FMN2: variants seen among roughly 807,000 people sequenced by gnomAD.
FMN2 encodes the protein formin 2, also known as formin-2.
FMN2 carries 51 observed loss-of-function variants against 142.3 expected under a neutral mutation model. The ratio of observed to expected loss-of-function variants is 0.36; its 90% confidence interval spans 0.29 to 0.45. The LOEUF is 0.45. FMN2 is among the 20% of genes least tolerant of loss of function. The probability of loss-of-function intolerance (pLI) is 1.00; values close to 1 mark genes in which losing one functional copy is unlikely to be tolerated. For synonymous variants in FMN2, 882 were observed against 869.8 expected (o/e 1.01, Z -0.25); for missense variants, 1,936 against 2,122.8 (o/e 0.91, Z 1.73).
chr1:240,314,478 A>T (rs1346833333), intron 8 of FMN2, among the ~76,000 whole-genome samples: 1 of 152,210 alleles, frequency 6.6e-6, no homozygotes, highest in East Asian at 1.9e-4. Flanking sequence ...AAATAGTCCA[A>T]ATTTCTACTT....
intron 4 of FMN2, among the ~76,000 whole-genome samples, chr1:240,200,446 G>C (rs549708837): frequency 1.3e-5 from 2 of 152,248 alleles, no homozygotes; most frequent in East Asian, 3.9e-4. Context: ...GGTACTCTCT[G>C]AGAGCCAGCC....
At chr1:240,201,780 T>C (rs1207991602) in intron 4 of FMN2, among the ~76,000 whole-genome samples, 1 of 152,144 alleles carries the variant, frequency 6.6e-6, no homozygotes, top group Non-Finnish European at 1.5e-5. Flanking sequence ...GGTACCTGGG[T>C]ATATCAGTCA....
intron 16 of FMN2, among the ~76,000 whole-genome samples, chr1:240,467,478 G>A (rs1455350325): frequency 6.6e-6 from 1 of 152,034 alleles, no homozygotes; most frequent in African/African-American, 2.4e-5. Flanking sequence ...ATGTTGGCCA[G>A]GCTGGTCTCA....
At chr1:240,338,487 T>C (rs943183324) in intron 13 of FMN2, among the ~76,000 whole-genome samples, 1 of 152,170 alleles carries the variant, frequency 6.6e-6, no homozygotes, top group Non-Finnish European at 1.5e-5. Context: ...TTACCCACAG[T>C]CAACCTTGAT....
intron 3 of FMN2, among the ~76,000 whole-genome samples, chr1:240,187,937 A>G (rs1033667733): frequency 6.6e-6 from 1 of 152,204 alleles, no homozygotes; most frequent in Admixed American, 6.5e-5. Flanking sequence ...AGAAACTAGC[A>G]ATCGAGACAA....
At chr1:240,339,918 C>A (rs1057272047) in intron 13 of FMN2, among the ~76,000 whole-genome samples, 8 of 151,954 alleles carry the variant, frequency 5.3e-5, no homozygotes, top group African/African-American at 1.9e-4. Context: ...CTAACACCTC[C>A]AATAACATTT....
intron 6 of FMN2, among the ~76,000 whole-genome samples, chr1:240,243,598 C>A (rs1392211111): frequency 2.0e-5 from 3 of 152,166 alleles, no homozygotes; most frequent in Non-Finnish European, 1.5e-5. Flanking sequence ...AACACTAGCA[C>A]CTGGCATTTG....
At chr1:240,466,029 G>A (rs75028234) in intron 16 of FMN2, among the ~76,000 whole-genome samples, 2,789 of 152,276 alleles carry the variant, frequency 0.018, 40 homozygotes, top group Non-Finnish European at 0.026. Flanking sequence ...GGAGAGAAAT[G>A]AGAAACTGCT....
At chr1:240,376,918 C>T (rs1673065922) in intron 14 of FMN2, among the ~76,000 whole-genome samples, 1 of 152,142 alleles carries the variant, frequency 6.6e-6, no homozygotes, top group Non-Finnish European at 1.5e-5. Flanking sequence ...TACACAACTT[C>T]ACAGGTGATG....
chr1:240,141,405 G>A (rs1303996523), intron 2 of FMN2, among the ~76,000 whole-genome samples: 1 of 152,118 alleles, frequency 6.6e-6, no homozygotes, highest in Non-Finnish European at 1.5e-5. Context: ...AGTTTGGAGT[G>A]CAATGGCACG....
intron 8 of FMN2, among the ~76,000 whole-genome samples, chr1:240,311,260 T>C (rs1670595107): frequency 6.6e-6 from 1 of 152,182 alleles, no homozygotes; most frequent in Admixed American, 6.5e-5. Context: ...TGCCACATGA[T>C]ACAGCATCCT....
intron 2 of FMN2, among the ~76,000 whole-genome samples, chr1:240,136,377 GA>G (rs1443508603): frequency 2.6e-5 from 4 of 152,120 alleles, no homozygotes; most frequent in African/African-American, 4.8e-5. Flanking sequence ...ATAGATTTTA[GA>G]ATGCTTCCCA....
chr1:240,361,053 T>A (rs1369430634), intron 14 of FMN2, among the ~76,000 whole-genome samples: 3 of 150,228 alleles, frequency 2.0e-5, no homozygotes, highest in Non-Finnish European at 3.0e-5. Flanking sequence ...CACACCAACA[T>A]GGCACATGTA....
chr1:240,430,266 A>T (rs951327821), intron 15 of FMN2, among the ~76,000 whole-genome samples: 4 of 152,120 alleles, frequency 2.6e-5, no homozygotes, highest in African/African-American at 9.7e-5. Context: ...TTTCTGAGTC[A>T]TGTTATACAT....
chr1:240,361,795 T>C (rs1355556505), intron 14 of FMN2, among the ~76,000 whole-genome samples: 2 of 152,202 alleles, frequency 1.3e-5, no homozygotes, highest in Non-Finnish European at 2.9e-5. Flanking sequence ...GATTCTTGCA[T>C]GGATGTGGTC....
At chr1:240,311,306 A>G (rs1670596516) in intron 8 of FMN2, among the ~76,000 whole-genome samples, 1 of 152,170 alleles carries the variant, frequency 6.6e-6, no homozygotes, top group African/African-American at 2.4e-5. Context: ...GTGAAAATGA[A>G]TTGGATTAAC....
Position 240,280,731 on chromosome 1 carries a change from A to G in FMN2, c.4154-14091A>G, listed in dbSNP as rs186932976. The stretch of plus-strand genomic sequence containing the variant: ...GAAACTCTTTGCTCATCTATACACT[A>G]TGCTTAAAATAAACACTATCTGGGA... On this transcript the variant is annotated intron_variant, in intron 7 of 17. Transcript: ENST00000319653. Among the ~76,000 whole-genome samples the G allele has an allele frequency of 1.7e-3, 261 of 152,258 alleles. 1 individual carries two copies. Among genetic ancestry groups the G allele is most frequent in the South Asian group, 6.6e-3 (32 of 4,828 alleles).
At chr1:240,339,738 A>G (rs76623693) in intron 13 of FMN2, among the ~76,000 whole-genome samples, 4,837 of 152,230 alleles carry the variant, frequency 0.032, 270 homozygotes, top group African/African-American at 0.11. Context: ...TTGCATGTGC[A>G]TACATACATG....
intron 13 of FMN2, among the ~76,000 whole-genome samples, chr1:240,336,505 G>A (rs1021439042): frequency 8.2e-6 from 1 of 121,350 alleles, no homozygotes; most frequent in South Asian, 2.9e-4. Flanking sequence ...GGAGTTTCAT[G>A]ACCAAATGAA....
Sources: gnomAD v4.1 joint callset for allele counts (sites outside exome capture counted in the v4.1 genomes callset) on GRCh38, gnomAD v4.1.1 for gene constraint, MANE v1.5 for transcripts, NCBI Gene and HGNC (gene_info 2026-07-23, HGNC 2026-07-21) for gene names.